ST8SIA6: variants seen among roughly 807,000 people sequenced by gnomAD.
ST8SIA6 encodes ST8 alpha-N-acetyl-neuraminide alpha-2,8-sialyltransferase 6.
In ST8SIA6, 39 loss-of-function variants were observed where a neutral mutation model predicts 33.6. The ratio of observed to expected loss-of-function variants is 1.16; its 90% confidence interval spans 0.90 to 1.52. The LOEUF (loss-of-function observed/expected upper bound fraction) is 1.52. Ranked by LOEUF, ST8SIA6 falls within the 40% of genes most tolerant of loss-of-function variation. The pLI, the probability that ST8SIA6 is intolerant of heterozygous loss-of-function variation, is 0.00. For synonymous variants in ST8SIA6, 172 were observed against 167.2 expected, an observed-to-expected ratio of 1.03 and a Z score of -0.22; for missense variants, 441 against 443.8, an observed-to-expected ratio of 0.99 and a Z score of 0.06.
intron 3 of ST8SIA6, among the ~76,000 whole-genome samples, chr10:17,389,511 G>A (rs1371351949): frequency 6.6e-6 from 1 of 152,122 alleles, no homozygotes; most frequent in African/African-American, 2.4e-5. Context: ...GCACCTTCTA[G>A]GAACAATCAG....
chr10:17,422,399 T>G (rs1165746269), intron 2 of ST8SIA6, among the ~76,000 whole-genome samples: 3 of 152,204 alleles, frequency 2.0e-5, no homozygotes, highest in Non-Finnish European at 2.9e-5. Context: ...CAGATCCAAT[T>G]ACTGTGAATC....
chr10:17,323,760 C>T (rs1468199972), intron 6 of ST8SIA6, among the ~76,000 whole-genome samples: 1 of 152,142 alleles, frequency 6.6e-6, no homozygotes, highest in African/African-American at 2.4e-5. Flanking sequence ...ATGACAATTA[C>T]ACCTTGTCTA....
intron 3 of ST8SIA6, among the ~76,000 whole-genome samples, chr10:17,365,241 A>C (rs1440272865): frequency 6.6e-6 from 1 of 152,252 alleles, no homozygotes; most frequent in Non-Finnish European, 1.5e-5. Flanking sequence ...TAAAATTTTA[A>C]ACATTTTTCT....
chr10:17,433,539 T>C (rs1266602626), intron 2 of ST8SIA6, among the ~76,000 whole-genome samples: 1 of 152,218 alleles, frequency 6.6e-6, no homozygotes, highest in Non-Finnish European at 1.5e-5. Context: ...GGGTCCATGG[T>C]AGGCACTTCC....
At chr10:17,383,174 C>T (rs1461159735) in intron 3 of ST8SIA6, among the ~76,000 whole-genome samples, 2 of 151,714 alleles carry the variant, frequency 1.3e-5, no homozygotes, top group Non-Finnish European at 2.9e-5. Context: ...TAAATGACTT[C>T]ACAATGACCT....
chr10:17,377,368 G>A (rs1035832124), intron 3 of ST8SIA6, among the ~76,000 whole-genome samples: 6 of 152,200 alleles, frequency 3.9e-5, no homozygotes, highest in Non-Finnish European at 7.3e-5. Flanking sequence ...CACAAAGCCT[G>A]TTTGGTGGTC....
At chr10:17,323,278 G>C (rs1325463688) in intron 6 of ST8SIA6, 121 bp from the exon 7 acceptor site, 17 of 538,756 alleles carry the variant, frequency 3.2e-5, no homozygotes, top group Non-Finnish European at 5.2e-5. Context: ...TCTTATGTTG[G>C]AGAAATCATT....
At position 17,454,364 on chromosome 10, in the gene ST8SIA6, C is replaced by T. The variant is rs1452995664; in HGVS notation, c.-109G>A. The T allele has an allele frequency of 6.3e-6, 1 of 158,948 alleles. No homozygotes were observed. Among genetic ancestry groups the T allele is most frequent in the East Asian group, 1.8e-4 (1 of 5,442 alleles). The allele number at this position is 158,948 out of a possible 1,614,324, so 9.8% of individuals were successfully genotyped here. A position where few individuals can be genotyped will look rare whatever the true frequency, so the allele number is the denominator to read the frequency against. The stretch of plus-strand genomic sequence containing the variant: ...CCGCCACCGCCGCCGTGGCCGCAGC[C>T]CCGCGCACCCACAGCGTTCACAGGC... On this transcript the variant is annotated 5_prime_UTR_variant, in exon 1 of 8. Transcript: ENST00000377602. The surrounding 1 kb of genome is among the most constrained non-coding windows in gnomAD (Gnocchi z 4.1).
chr10:17,422,083 A>G (rs74848728), intron 2 of ST8SIA6, among the ~76,000 whole-genome samples: 1,730 of 152,244 alleles, frequency 0.011, 31 homozygotes, highest in African/African-American at 0.04. Context: ...ATCTGCATCA[A>G]TAAAGGAGAA....
intron 2 of ST8SIA6, among the ~76,000 whole-genome samples, chr10:17,414,750 G>A (rs1227728499): frequency 1.3e-5 from 2 of 151,972 alleles, no homozygotes; most frequent in East Asian, 3.9e-4. Context: ...CAAATTAAGG[G>A]GTAGCTCTAT....
At chr10:17,388,780 G>C (rs113000042) in intron 3 of ST8SIA6, among the ~76,000 whole-genome samples, 5,364 of 152,254 alleles carry the variant, frequency 0.035, 106 homozygotes, top group South Asian at 0.056. Flanking sequence ...AATTCAGTTC[G>C]TGGTTTGAGT....
Position 17,432,975 on chromosome 10 carries a change from T to C in ST8SIA6, c.200+20584A>G, listed in dbSNP as rs528713987. On this transcript the variant is annotated intron_variant, in intron 2 of 7. Coordinates refer to ENST00000377602, the MANE Select transcript of ST8SIA6 (RefSeq NM_001004470.3). The stretch of plus-strand genomic sequence containing the variant: ...ACTTCCTTATTTATTTATTTATTTA[T>C]TTGTCTATAAATTCACTCTGACAAT... 2.6e-5 allele frequency among the ~76,000 whole-genome samples: 4 copies of C among 152,306 alleles called. No individual in the cohort carries two copies. In the East Asian group the frequency reaches 7.7e-4, roughly 29 times the overall value.
intron 4 of ST8SIA6, among the ~76,000 whole-genome samples, chr10:17,343,109 T>C (rs1848726858): frequency 6.6e-6 from 1 of 152,160 alleles, no homozygotes; most frequent in Non-Finnish European, 1.5e-5. Context: ...TGTGCTAGGC[T>C]CTGGGGATAT....
In ST8SIA6 at chr10:17,369,122, A is replaced by G. The variant is rs541476910; in HGVS notation, c.291-9522T>C. 3.3e-5 allele frequency among the ~76,000 whole-genome samples: 5 copies of G among 152,330 alleles called. No individual in the cohort carries two copies. The South Asian group carries it at 1.0e-3, about 32-fold the overall frequency. On this transcript the variant is annotated intron_variant, in intron 3 of 7. Coordinates refer to ENST00000377602, the MANE Select transcript of ST8SIA6 (RefSeq NM_001004470.3). ...AATTTGTATGCCACACAATTCACCC[A>G]TCATATATGTACTGTTAAGTGGTTG...
chr10:17,438,511 C>T (rs189242361), intron 2 of ST8SIA6, among the ~76,000 whole-genome samples: 226 of 152,030 alleles, frequency 1.5e-3, no homozygotes, highest in Middle Eastern at 6.8e-3. Flanking sequence ...TCACACAGTC[C>T]AAATAGGACA....
Position 17,318,836 on chromosome 10 carries a change from G to T in ST8SIA6, c.*2042C>A. On this transcript the variant is annotated 3_prime_UTR_variant, in exon 8 of 8. Coordinates refer to ENST00000377602, the MANE Select transcript of ST8SIA6 (RefSeq NM_001004470.3). ...GACATGCTGTATTGTAAACATTCAT[G>T]TTCTATCATATTTTAGAAAGTTCTA... 1 of 416,092 alleles carries T rather than the reference G, an allele frequency of 2.4e-6. No individual in the cohort carries two copies. The highest frequency in any genetic ancestry group is 4.8e-6 in the Non-Finnish European group (1 of 208,130). The allele number at this position is 416,092 out of a possible 1,614,324, so 25.8% of individuals were successfully genotyped here.
intron 2 of ST8SIA6, among the ~76,000 whole-genome samples, chr10:17,392,299 A>T (rs1850645892): frequency 6.6e-6 from 1 of 152,212 alleles, no homozygotes; most frequent in Admixed American, 6.5e-5. Context: ...CCTCCAAGTG[A>T]GTGTCATTTA....
In ST8SIA6 at chr10:17,320,778, C is replaced by A; in HGVS notation, c.*100G>T. The A allele has an allele frequency of 5.4e-6, 7 of 1,288,596 alleles. 1 individual carries two copies. The South Asian group carries it at 1.0e-4, about 19-fold the overall frequency. The allele number at this position is 1,288,596 out of a possible 1,614,324, so 79.8% of individuals were successfully genotyped here. A position where few individuals can be genotyped will look rare whatever the true frequency, so the allele number is the denominator to read the frequency against. On this transcript the variant is annotated 3_prime_UTR_variant, in exon 8 of 8. Coordinates refer to ENST00000377602, the MANE Select transcript of ST8SIA6 (RefSeq NM_001004470.3). ...TTTGGTCAAACCAAATTTTGGGGCT[C>A]ATCTCAAAATACTCTTTAGCCACCT...
intron 2 of ST8SIA6, among the ~76,000 whole-genome samples, chr10:17,408,940 C>CTT (rs112533742): frequency 3.0e-4 from 42 of 138,346 alleles, no homozygotes; most frequent in African/African-American, 9.5e-4. Flanking sequence ...TTCTTTCTTT[C>CTT]TTTTTTTTTT....
Sources: gnomAD v4.1 joint callset for allele counts (sites outside exome capture counted in the v4.1 genomes callset) on GRCh38, gnomAD v4.1.1 for gene constraint, Gnocchi (gnomAD v3.1) non-coding constraint, MANE v1.5 for transcripts, NCBI Gene and HGNC (gene_info 2026-07-23, HGNC 2026-07-21) for gene names.